The following TNR variants were observed in gnomAD, a reference collection of about 807,000 sequenced individuals.
TNR encodes the protein tenascin-R.
Under a neutral mutation model 150.4 loss-of-function variants are expected in TNR, and 45 were observed. The ratio of observed to expected loss-of-function variants is 0.30; its 90% CI spans 0.24 to 0.38. The LOEUF is 0.38. Among genes scored for constraint, TNR ranks in the 10% least tolerant of loss-of-function variants. The probability of loss-of-function intolerance (pLI) is 1.00; values close to 1 mark genes in which losing one functional copy is unlikely to be tolerated. For missense variants in TNR, 1,544 were observed against 1,759.1 expected (o/e 0.88, Z 2.19); for synonymous variants, 687 against 678.4 (o/e 1.01, Z -0.20).
intron 2 of TNR, among the ~76,000 whole-genome samples, chr1:175,489,840 A>C (rs979570240): frequency 1.3e-5 from 2 of 152,204 alleles, no homozygotes; most frequent in African/African-American, 4.8e-5. Context: ...ACTTCAACCG[A>C]AAGAACTATA....
chr1:175,649,901 T>C (rs1395579591), intron 1 of TNR, among the ~76,000 whole-genome samples: 1 of 152,222 alleles, frequency 6.6e-6, no homozygotes, highest in African/African-American at 2.4e-5. Flanking sequence ...AAGTGATGTT[T>C]CCTCTGCCTG....
At chr1:175,602,072 CCT>C (rs1663258634) in intron 1 of TNR, among the ~76,000 whole-genome samples, 1 of 151,976 alleles carries the variant, frequency 6.6e-6, no homozygotes, top group Admixed American at 6.6e-5. Flanking sequence ...ACCAGACTCT[CCT>C]CTGAGTGGGT....
chr1:175,365,778 G>T, intron 11 of TNR, 97 bp downstream of exon 11: 1 of 1,501,126 alleles, frequency 6.7e-7, no homozygotes, highest in Admixed American at 2.0e-5. Flanking sequence ...TTCTCCAAAG[G>T]AAATGGAACA....
At chr1:175,727,687 G>A (rs1571796071) in intron 1 of TNR, among the ~76,000 whole-genome samples, 1 of 152,158 alleles carries the variant, frequency 6.6e-6, no homozygotes, top group Non-Finnish European at 1.5e-5. Flanking sequence ...GAGATGGTGT[G>A]GTCCAGGGCA....
chr1:175,538,795 A>T (rs1345959189), intron 1 of TNR: 1 of 152,190 alleles, frequency 6.6e-6, no homozygotes, highest in Non-Finnish European at 1.5e-5. Flanking sequence ...ACTCTGGCTA[A>T]TCCAGCTACT....
rs147668638 is a variant in TNR at position 175,501,031 on chromosome 1, G to C, written c.-64+27238C>G. Among the ~76,000 whole-genome samples, 64 of 152,274 alleles carry C rather than the reference G, an allele frequency of 4.2e-4. No homozygotes were observed. In the East Asian group the frequency reaches 0.012, roughly 29 times the overall value. ...CATGATGCCTCCCTGTGAGTGTGGC[G>C]AGGAACCTGTGAATATGGTGGGAGA... On this transcript the variant is annotated intron_variant, in intron 2 of 22. Coordinates refer to ENST00000367674, the MANE Select transcript of TNR (RefSeq NM_003285.3).
intron 9 of TNR, among the ~76,000 whole-genome samples, chr1:175,371,638 G>A (rs1001436956): frequency 1.3e-5 from 2 of 152,194 alleles, no homozygotes; most frequent in African/African-American, 4.8e-5. Context: ...AAAGAGTTAT[G>A]CAAGTATTAC....
chr1:175,701,871 C>T (rs963526426), intron 1 of TNR, among the ~76,000 whole-genome samples: 5 of 152,150 alleles, frequency 3.3e-5, no homozygotes, highest in Non-Finnish European at 5.9e-5. Flanking sequence ...TTTGCATGCA[C>T]ATTAAAATAT....
rs1458306873 is a variant in TNR at position 175,362,816 on chromosome 1, A to T, written c.2708-7T>A. 6.2e-7 allele frequency: 1 copy of T among 1,613,782 alleles called. No individual in the cohort carries two copies. Among genetic ancestry groups the T allele is most frequent in the Non-Finnish European group, 8.5e-7 (1 of 1,179,846 alleles). On this transcript the variant is annotated splice_polypyrimidine_tract_variant and splice_region_variant and intron_variant, in intron 13 of 22. Coordinates refer to ENST00000367674, the MANE Select transcript of TNR (RefSeq NM_003285.3). ...GAGCTGTCTAGTCGTCCCACTGGAG[A>T]AGAGAAGAATCTACAGTTAAAATTC...
At chr1:175,452,916 C>T (rs79153466) in intron 2 of TNR, among the ~76,000 whole-genome samples, 4,137 of 152,024 alleles carry the variant, frequency 0.027, 121 homozygotes, top group African/African-American at 0.079. Flanking sequence ...CATGGATGAA[C>T]CGTGAAGTCA....
At chr1:175,661,536 C>T (rs1051253014) in intron 1 of TNR, among the ~76,000 whole-genome samples, 1 of 152,060 alleles carries the variant, frequency 6.6e-6, no homozygotes, top group Admixed American at 6.5e-5. Context: ...TTCATCCTGC[C>T]TCACGTTGTA....
chr1:175,636,389 G>A (rs1664491985), intron 1 of TNR, among the ~76,000 whole-genome samples: 1 of 152,058 alleles, frequency 6.6e-6, no homozygotes, highest in African/African-American at 2.4e-5. Context: ...AGAGCCCCCT[G>A]CCCTCTTCTC....
At chr1:175,408,453 T>C (rs553231598) in intron 2 of TNR, among the ~76,000 whole-genome samples, 3 of 152,374 alleles carry the variant, frequency 2.0e-5, no homozygotes, top group African/African-American at 4.8e-5. Flanking sequence ...TATTAGTGCC[T>C]AGTATAAAAT....
intron 1 of TNR, among the ~76,000 whole-genome samples, chr1:175,681,525 A>T (rs1383398348): frequency 6.6e-6 from 1 of 152,210 alleles, no homozygotes; most frequent in African/African-American, 2.4e-5. Flanking sequence ...ATCCTTCCAT[A>T]AAGCCCAGGA....
At chr1:175,481,113 C>T (rs76655992) in intron 2 of TNR, among the ~76,000 whole-genome samples, 2,072 of 152,020 alleles carry the variant, frequency 0.014, 49 homozygotes, top group African/African-American at 0.048. Context: ...TCTGGACCAG[C>T]GAGAGAGAAA....
chr1:175,330,998 A>ATTCATTCT (rs1649722866), intron 20 of TNR, among the ~76,000 whole-genome samples: 30 of 72,826 alleles, frequency 4.1e-4, no homozygotes, highest in East Asian at 2.4e-3. Context: ...CCTCTTGGTG[A>ATTCATTCT]TTCTTTCTTT....
intron 1 of TNR, among the ~76,000 whole-genome samples, chr1:175,651,238 G>T (rs1227228153): frequency 6.9e-6 from 1 of 144,054 alleles, no homozygotes; most frequent in East Asian, 2.0e-4. Flanking sequence ...TAAGCTTCCA[G>T]CATTACACTC....
chr1:175,714,238 C>A (rs1027489608), intron 1 of TNR, among the ~76,000 whole-genome samples: 1 of 152,076 alleles, frequency 6.6e-6, no homozygotes, highest in African/African-American at 2.4e-5. Flanking sequence ...TCTTCCACAC[C>A]CATGCTTTCT....
At chr1:175,347,575 G>A (rs377749909) in intron 18 of TNR, among the ~76,000 whole-genome samples, 3 of 152,074 alleles carry the variant, frequency 2.0e-5, no homozygotes, top group East Asian at 3.9e-4. Context: ...TTATAGGTGT[G>A]CACCACCATG....
Sources: allele counts gnomAD v4.1 joint callset (sites outside exome capture counted in the v4.1 genomes callset), GRCh38; gene constraint gnomAD v4.1.1; transcripts MANE v1.5; gene names NCBI Gene and HGNC (gene_info 2026-07-23, HGNC 2026-07-21).